MAP1LC3C: variants seen among roughly 807,000 people sequenced by gnomAD.
MAP1LC3C encodes the protein microtubule-associated protein 1 light chain 3 gamma.
MAP1LC3C carries 12 observed loss-of-function variants against 10.4 expected under a neutral mutation model. That is an observed-to-expected ratio of 1.15 (90% CI 0.74 to 1.86). MAP1LC3C has a LOEUF of 1.86. MAP1LC3C is among the 40% of genes most tolerant of loss of function. The pLI is 0.00. For synonymous variants in MAP1LC3C, 70 were observed against 69.0 expected, an observed-to-expected ratio of 1.01 and a Z score of -0.07; for missense variants, 177 against 185.7, an observed-to-expected ratio of 0.95 and a Z score of 0.27.
At chr1:242,000,751 G>C (rs1193800437), upstream of MAP1LC3C, among the ~76,000 whole-genome samples, 2 of 152,180 alleles carry the variant, frequency 1.3e-5, no homozygotes, top group African/African-American at 4.8e-5. Context: ...TGTTCAGCTA[G>C]CAGAACCTAG....
chr1:242,000,828 A>G (rs1665182668), upstream of MAP1LC3C, among the ~76,000 whole-genome samples: 1 of 152,124 alleles, frequency 6.6e-6, no homozygotes. Context: ...GCCACTGGTA[A>G]TCAATTTAAC....
chr1:241,996,476 CCTT>C (rs1182880615), intron 3 of MAP1LC3C, 91 bp from the exon 4 acceptor site: 1 of 1,034,972 alleles, frequency 9.7e-7, no homozygotes, highest in African/African-American at 1.6e-5. Flanking sequence ...TGAATTGCTC[CCTT>C]CTTCTTCCCT....
chr1:241,997,425 T>C (rs930536875), intron 3 of MAP1LC3C, among the ~76,000 whole-genome samples: 10 of 152,056 alleles, frequency 6.6e-5, no homozygotes, highest in African/African-American at 2.4e-4. Flanking sequence ...GAGGCTGAGA[T>C]GGGAGGATCG....
At chr1:241,996,979 C>T (rs1665098432) in intron 3 of MAP1LC3C, among the ~76,000 whole-genome samples, 1 of 147,248 alleles carries the variant, frequency 6.8e-6, no homozygotes, top group Non-Finnish European at 1.5e-5. Context: ...CACAGTCTCG[C>T]TGATATTTCA....
chr1:241,997,143 C>T (rs1389347406), intron 3 of MAP1LC3C, among the ~76,000 whole-genome samples: 1 of 151,894 alleles, frequency 6.6e-6, no homozygotes, highest in Non-Finnish European at 1.5e-5. Context: ...AGGTAATCTG[C>T]CCTGCCTTGG....
rs1247628828 is a variant in MAP1LC3C at position 241,999,047 on chromosome 1, A to G, written c.-39T>C. 2 of 1,572,546 alleles carry G rather than the reference A, an allele frequency of 1.3e-6. No individual in the cohort carries two copies. The highest frequency in any genetic ancestry group is 1.4e-5 in the African/African-American group (1 of 72,310). ...TGTGTCTGTTTTAAAAAAGAAAAAAAAACTGTCCCGCAACCGGGAACCTAA... is the reference window on the plus strand; with the variant it reads ...TGTGTCTGTTTTAAAAAAGAAAAAAGAACTGTCCCGCAACCGGGAACCTAA... On this transcript the variant is annotated 5_prime_UTR_variant, in exon 1 of 4. Transcript: ENST00000357246.
intron 3 of MAP1LC3C, 110 bp downstream of exon 3, chr1:241,998,404 C>T (rs1309440692): frequency 1.2e-6 from 1 of 824,230 alleles, no homozygotes; most frequent in East Asian, 2.5e-5. Flanking sequence ...TCTTTCCTCT[C>T]TTCCCCTGAC....
intron 3 of MAP1LC3C, 26 bp downstream of exon 3, chr1:241,998,464 CCCGGCGCACCCAGCGCACCTTCCT>C (rs1425758414): frequency 7.8e-6 from 12 of 1,528,876 alleles, no homozygotes; most frequent in Non-Finnish European, 1.0e-5. Flanking sequence ...GCCCAACAGC[CCCGGCGCACCCAGCGCACCTTCCT>C]CCGGGGCACG....
intron 3 of MAP1LC3C, among the ~76,000 whole-genome samples, chr1:241,997,657 A>G (rs919070661): frequency 6.6e-6 from 1 of 152,170 alleles, no homozygotes; most frequent in Non-Finnish European, 1.5e-5. Flanking sequence ...TTTTTACTGA[A>G]TCCATGTGTC....
chr1:241,997,743 G>GTTT (rs1013513208), intron 3 of MAP1LC3C, among the ~76,000 whole-genome samples: 5 of 152,160 alleles, frequency 3.3e-5, no homozygotes, highest in African/African-American at 7.2e-5. Flanking sequence ...GGAGGAGTGT[G>GTTT]TTTGGGGGAT....
chr1:241,996,917 A>AAAAAAAAAAG (rs1255558483), intron 3 of MAP1LC3C, among the ~76,000 whole-genome samples: 8 of 150,394 alleles, frequency 5.3e-5, no homozygotes, highest in African/African-American at 2.4e-5. Context: ...CTCAAAAAAA[A>AAAAAAAAAAG]AAAAAAAAGA....
upstream of MAP1LC3C, among the ~76,000 whole-genome samples, chr1:241,999,763 C>G (rs906812318): frequency 6.6e-6 from 1 of 152,098 alleles, no homozygotes; most frequent in Non-Finnish European, 1.5e-5. Context: ...GAGCTCAGGT[C>G]ACACCATTGC....
intron 2 of MAP1LC3C, 48 bp downstream of exon 2, chr1:241,998,728 C>T: frequency 6.2e-7 from 1 of 1,612,898 alleles, no homozygotes; most frequent in Non-Finnish European, 8.5e-7. Flanking sequence ...AGAACAGGAT[C>T]GGAACCCCAC....
Position 241,995,938 on chromosome 1 carries a change from T to G in MAP1LC3C, c.*225A>C. 1 of 427,144 alleles carries G rather than the reference T, an allele frequency of 2.3e-6. No individual in the cohort carries two copies. Among genetic ancestry groups the G allele is most frequent in the Non-Finnish European group, 4.2e-6 (1 of 238,536 alleles). The allele number at this position is 427,144 out of a possible 1,614,324, so 26.5% of individuals were successfully genotyped here. A position where few individuals can be genotyped will look rare whatever the true frequency, so the allele number is the denominator to read the frequency against. On this transcript the variant is annotated 3_prime_UTR_variant, in exon 4 of 4. Transcript: ENST00000357246. ...TGTTTCAAAAAAAAAAAAATGATAATTATATAACTTTCAAGAGCAGCCCAC... is the reference window on the plus strand; with the variant it reads ...TGTTTCAAAAAAAAAAAAATGATAAGTATATAACTTTCAAGAGCAGCCCAC...
chr1:241,998,542 T>C lies in MAP1LC3C; in HGVS notation c.193A>G (p.Thr65Ala). 6.2e-7 allele frequency: 1 copy of C among 1,614,080 alleles called. No homozygotes were observed. The highest frequency in any genetic ancestry group is 8.5e-7 in the Non-Finnish European group (1 of 1,180,016). The change falls in exon 3 of 4, where the codon ACC becomes GCC. Residue 65 changes from threonine (T) to alanine (A), a missense_variant. Coordinates refer to ENST00000357246, the MANE Select transcript of MAP1LC3C (RefSeq NM_001004343.3). ...KTKFLVPQEL[T>A]MTQFLSIIRS... Reference sequence around the variant, plus strand: ...ATGATGCTGAGGAACTGGGTCATGGTCAGCTCCTGCGGGACCAGGAACTTG... The same window carrying C: ...ATGATGCTGAGGAACTGGGTCATGGCCAGCTCCTGCGGGACCAGGAACTTG...
chr1:242,000,343 C>T (rs1031172498), upstream of MAP1LC3C, among the ~76,000 whole-genome samples: 3 of 152,188 alleles, frequency 2.0e-5, no homozygotes, highest in Non-Finnish European at 2.9e-5. Context: ...TGAGTTCAAG[C>T]GATTTCTCCC....
At position 241,996,310 on chromosome 1, in the gene MAP1LC3C, T is replaced by A. The variant is rs1188947838; in HGVS notation, c.297A>T (p.Ala99=). ...VNNKSLVSMS[A]TMAEIYRDYK... Reference sequence around the variant, plus strand: ...AGTCTCTGTAGATCTCTGCCATGGTTGCGCTCATGCTGACCAGGCTCTTGT... The same window carrying A: ...AGTCTCTGTAGATCTCTGCCATGGTAGCGCTCATGCTGACCAGGCTCTTGT... The change falls in exon 4 of 4, where the codon GCA becomes GCT. Residue 99 remains alanine, a synonymous_variant. Transcript: ENST00000357246. 6.2e-7 allele frequency: 1 copy of A among 1,613,846 alleles called. No individual in the cohort carries two copies. The highest frequency in any genetic ancestry group is 2.2e-5 in the East Asian group (1 of 44,846).
In MAP1LC3C at chr1:241,998,513, C is replaced by G. The variant is rs149312540; in HGVS notation, c.221+1G>C. Reference sequence around the variant, plus strand: ...TCCGGGGCACGCTCTGCGCCACCTACCGGATGATGCTGAGGAACTGGGTCA... The same window carrying G: ...TCCGGGGCACGCTCTGCGCCACCTAGCGGATGATGCTGAGGAACTGGGTCA... On this transcript the variant is annotated splice_donor_variant, in intron 3 of 3. Coordinates refer to ENST00000357246, the MANE Select transcript of MAP1LC3C (RefSeq NM_001004343.3). LOFTEE classifies it high-confidence loss of function. The G allele has an allele frequency of 8.7e-6, 14 of 1,613,930 alleles. No homozygotes were observed. In the African/African-American group the frequency reaches 1.6e-4, roughly 18 times the overall value.
upstream of MAP1LC3C, among the ~76,000 whole-genome samples, chr1:241,999,773 C>T (rs1665159798): frequency 6.6e-6 from 1 of 152,188 alleles, no homozygotes; most frequent in Non-Finnish European, 1.5e-5. Context: ...CACACCATTG[C>T]ACTCCAGCCT....
Sources: gnomAD v4.1 joint callset for allele counts (sites outside exome capture counted in the v4.1 genomes callset) on GRCh38, gnomAD v4.1.1 for gene constraint, MANE v1.5 for transcripts, NCBI Gene and HGNC (gene_info 2026-07-23, HGNC 2026-07-21) for gene names.